The following PRKG2 variants were observed in gnomAD, a reference collection of about 807,000 sequenced individuals.
PRKG2 encodes cGMP-dependent protein kinase 2.
PRKG2 carries 33 observed loss-of-function variants against 97.2 expected under a neutral mutation model. That is an observed-to-expected ratio of 0.34 (90% CI 0.26 to 0.45). PRKG2 has a LOEUF of 0.45. Among genes scored for constraint, PRKG2 ranks in the 20% least tolerant of loss-of-function variants. PRKG2 has a pLI of 1.00. For synonymous variants in PRKG2, 330 were observed against 321.8 expected (o/e 1.03, Z -0.27); for missense variants, 638 against 900.0 (o/e 0.71, Z 3.73).
At chr4:81,112,845 T>A (rs986749798) in intron 14 of PRKG2, among the ~76,000 whole-genome samples, 1 of 152,200 alleles carries the variant, frequency 6.6e-6, no homozygotes, top group Non-Finnish European at 1.5e-5. Context: ...TGTACCACCA[T>A]GGATACTACC....
At chr4:81,110,708 A>G (rs1743812758) in intron 14 of PRKG2, 97 bp from the exon 15 acceptor site, 37 of 1,258,180 alleles carry the variant, frequency 2.9e-5, no homozygotes, top group Non-Finnish European at 3.8e-5. Flanking sequence ...TCTACACCCC[A>G]CCCTTCTTTT....
chr4:81,199,134 T>C (rs979467797), intron 2 of PRKG2, among the ~76,000 whole-genome samples: 1 of 152,176 alleles, frequency 6.6e-6, no homozygotes, highest in African/African-American at 2.4e-5. Flanking sequence ...TAAAAATCTT[T>C]AATTATCTAT....
chr4:81,192,552 T>C (rs1339669678), intron 2 of PRKG2, among the ~76,000 whole-genome samples: 3 of 152,308 alleles, frequency 2.0e-5, no homozygotes, highest in South Asian at 2.1e-4. Context: ...CTTCATTATA[T>C]TGGACAAGTA....
chr4:81,140,973 C>CT (rs925586498), intron 11 of PRKG2, among the ~76,000 whole-genome samples: 3 of 151,696 alleles, frequency 2.0e-5, no homozygotes, highest in African/African-American at 7.3e-5. Flanking sequence ...CTAGAATTGC[C>CT]TTTTTTTATT....
At chr4:81,117,262 G>A (rs898518532) in intron 14 of PRKG2, among the ~76,000 whole-genome samples, 1 of 151,892 alleles carries the variant, frequency 6.6e-6, no homozygotes, top group African/African-American at 2.4e-5. Context: ...CCAAAGCGCT[G>A]GGATTACGGG....
intron 14 of PRKG2, among the ~76,000 whole-genome samples, chr4:81,130,354 C>T (rs1296976427): frequency 6.6e-6 from 1 of 152,174 alleles, no homozygotes; most frequent in East Asian, 1.9e-4. Flanking sequence ...CTTTTCCTTC[C>T]TCTGGAAGCT....
At chr4:81,160,115 TA>T (rs1277274698) in intron 6 of PRKG2, among the ~76,000 whole-genome samples, 2 of 151,500 alleles carry the variant, frequency 1.3e-5, no homozygotes, top group African/African-American at 4.8e-5. Flanking sequence ...ATAATAATAA[TA>T]AAAAATAAAT....
At chr4:81,126,053 G>A (rs533116431) in intron 14 of PRKG2, among the ~76,000 whole-genome samples, 7 of 152,148 alleles carry the variant, frequency 4.6e-5, no homozygotes, top group East Asian at 3.9e-4. Context: ...AACAGGCCCC[G>A]GTGTGTGATG....
At chr4:81,202,657 C>G (rs1458806359) in intron 2 of PRKG2, among the ~76,000 whole-genome samples, 2 of 152,010 alleles carry the variant, frequency 1.3e-5, no homozygotes, top group African/African-American at 4.8e-5. Context: ...GATACAATAT[C>G]CTTCCTGTGT....
chr4:81,151,087 CCTGAT>C (rs1748355149), intron 8 of PRKG2, among the ~76,000 whole-genome samples: 1 of 151,934 alleles, frequency 6.6e-6, no homozygotes, highest in Admixed American at 6.6e-5. Flanking sequence ...CTTATGTAAA[CCTGAT>C]CTACAAATCA....
chr4:81,172,866 A>G (rs1750611870), intron 3 of PRKG2, among the ~76,000 whole-genome samples: 4 of 152,126 alleles, frequency 2.6e-5, no homozygotes, highest in Admixed American at 2.6e-4. Context: ...AGCCATAGAG[A>G]GGACAAAAGA....
chr4:81,204,167 C>T (rs1405513851), intron 2 of PRKG2, among the ~76,000 whole-genome samples: 3 of 151,950 alleles, frequency 2.0e-5, no homozygotes, highest in African/African-American at 4.8e-5. Context: ...ATCTTTGAGG[C>T]TCCAGCATGT....
chr4:81,091,877 T>G (rs1364404310), intron 18 of PRKG2, among the ~76,000 whole-genome samples: 1 of 152,208 alleles, frequency 6.6e-6, no homozygotes, highest in Non-Finnish European at 1.5e-5. Context: ...AATGTCGCTC[T>G]TCTGAACTGA....
chr4:81,130,810 C>T (rs1037479194), intron 14 of PRKG2, among the ~76,000 whole-genome samples: 6 of 152,108 alleles, frequency 3.9e-5, no homozygotes, highest in South Asian at 2.1e-4. Context: ...ACTCAAGCCT[C>T]GGTAATAGTT....
At chr4:81,188,789 C>T (rs1351560053) in intron 2 of PRKG2, among the ~76,000 whole-genome samples, 3 of 102,796 alleles carry the variant, frequency 2.9e-5, no homozygotes, top group Non-Finnish European at 1.6e-5. Context: ...AACGAAACAC[C>T]GCATATTCTC....
At chr4:81,099,407 T>A (rs1033894920) in intron 17 of PRKG2, among the ~76,000 whole-genome samples, 1 of 152,090 alleles carries the variant, frequency 6.6e-6, no homozygotes, top group Non-Finnish European at 1.5e-5. Flanking sequence ...GCTGGTTCAA[T>A]ATACGCAAAT....
At chr4:81,210,034 A>C (rs1753885910) in intron 1 of PRKG2, among the ~76,000 whole-genome samples, 1 of 152,160 alleles carries the variant, frequency 6.6e-6, no homozygotes, top group African/African-American at 2.4e-5. Flanking sequence ...TAATTTTTAA[A>C]AAAATAGAAT....
At chr4:81,098,261 C>T (rs1221921602) in intron 17 of PRKG2, among the ~76,000 whole-genome samples, 2 of 152,142 alleles carry the variant, frequency 1.3e-5, no homozygotes, top group Non-Finnish European at 2.9e-5. Flanking sequence ...AGTTTTGGAA[C>T]TCAGACTGCT....
At chr4:81,113,863 C>T (rs1389660975) in intron 14 of PRKG2, among the ~76,000 whole-genome samples, 4 of 152,160 alleles carry the variant, frequency 2.6e-5, no homozygotes, top group Non-Finnish European at 5.9e-5. Context: ...GATTTAATGT[C>T]TTTCTGCTAC....
Sources: allele counts gnomAD v4.1 joint callset (sites outside exome capture counted in the v4.1 genomes callset), GRCh38; gene constraint gnomAD v4.1.1; transcripts MANE v1.5; gene names NCBI Gene and HGNC (gene_info 2026-07-23, HGNC 2026-07-21).